ARB2A: variants seen among roughly 807,000 people sequenced by gnomAD.
ARB2A encodes the protein cotranscriptional regulator ARB2A.
At chr5:93,971,856 G>A in the ARB2A span, among the ~76,000 whole-genome samples, 1 of 152,090 alleles carries the variant, frequency 6.6e-6, no homozygotes, top group Non-Finnish European at 1.5e-5. Flanking sequence ...TCTCACACCT[G>A]GAAATCTAAT....
the ARB2A span, among the ~76,000 whole-genome samples, chr5:93,744,389 C>A: frequency 9.0e-5 from 12 of 133,210 alleles, no homozygotes; most frequent in Non-Finnish European, 1.7e-4. Flanking sequence ...GTGCCGAGAT[C>A]GCGCCACTGC....
the ARB2A span, among the ~76,000 whole-genome samples, chr5:93,871,040 TTGTAAA>T: frequency 2.6e-5 from 4 of 152,228 alleles, no homozygotes; most frequent in Non-Finnish European, 5.9e-5. Flanking sequence ...AGGTATTTTC[TTGTAAA>T]TGAACAAAGT....
At chr5:93,910,412 A>G in the ARB2A span, among the ~76,000 whole-genome samples, 2 of 151,224 alleles carry the variant, frequency 1.3e-5, no homozygotes, top group Non-Finnish European at 3.0e-5. Context: ...GTATGATTCT[A>G]AAAATGTTCA....
At chr5:93,649,126 T>C in the ARB2A span, among the ~76,000 whole-genome samples, 1 of 152,176 alleles carries the variant, frequency 6.6e-6, no homozygotes, top group Non-Finnish European at 1.5e-5. Flanking sequence ...TTCTGACACA[T>C]AAACATTCAT....
chr5:93,912,697 C>T, the ARB2A span, among the ~76,000 whole-genome samples: 6 of 151,756 alleles, frequency 4.0e-5, no homozygotes, highest in Admixed American at 1.3e-4. Context: ...GCCCAAATAC[C>T]ATACTTGCTA....
At chr5:93,629,704 G>GA in the ARB2A span, among the ~76,000 whole-genome samples, 1 of 152,038 alleles carries the variant, frequency 6.6e-6, no homozygotes, top group South Asian at 2.1e-4. Flanking sequence ...CATTTTTAAA[G>GA]AAAAAGGTAA....
the ARB2A span, among the ~76,000 whole-genome samples, chr5:94,017,553 A>T: frequency 5.9e-5 from 9 of 152,226 alleles, no homozygotes; most frequent in African/African-American, 1.9e-4. Flanking sequence ...CTAGTACTGT[A>T]AAACAAGAAA....
chr5:94,058,421 TGATAAA>T, the ARB2A span, among the ~76,000 whole-genome samples: 4 of 151,526 alleles, frequency 2.6e-5, no homozygotes, highest in Non-Finnish European at 5.9e-5. Flanking sequence ...AACCAAGAAA[TGATAAA>T]GATAAAGGAA....
chr5:93,791,628 T>C, the ARB2A span, among the ~76,000 whole-genome samples: 1 of 152,208 alleles, frequency 6.6e-6, no homozygotes, highest in Admixed American at 6.5e-5. Flanking sequence ...ACATTCTCTT[T>C]TCCTGTGCTT....
chr5:93,725,191 C>T, the ARB2A span, among the ~76,000 whole-genome samples: 1 of 152,000 alleles, frequency 6.6e-6, no homozygotes, highest in Non-Finnish European at 1.5e-5. Context: ...AAGGGGGGAA[C>T]TACTGTATTA....
chr5:94,053,080 G>GATAC, the ARB2A span: 1 of 899,324 alleles, frequency 1.1e-6, no homozygotes, highest in South Asian at 1.7e-5. Flanking sequence ...ACTATAGATA[G>GATAC]ATAGATAGAT....
the ARB2A span, among the ~76,000 whole-genome samples, chr5:93,773,153 T>C: frequency 2.6e-5 from 4 of 152,208 alleles, no homozygotes; most frequent in South Asian, 8.3e-4. Flanking sequence ...CCATGCCCAT[T>C]ACTTCAGACT....
the ARB2A span, among the ~76,000 whole-genome samples, chr5:93,813,133 A>G: frequency 6.6e-6 from 1 of 152,188 alleles, no homozygotes; most frequent in East Asian, 1.9e-4. Flanking sequence ...TGTTTAAGCC[A>G]CCTGTCTATG....
At chr5:93,625,765 A>G in the ARB2A span, among the ~76,000 whole-genome samples, 1 of 152,248 alleles carries the variant, frequency 6.6e-6, no homozygotes, top group Admixed American at 6.5e-5. Context: ...TATTTAAGAA[A>G]AAGTGCCTTG....
the ARB2A span, among the ~76,000 whole-genome samples, chr5:93,696,731 T>C: frequency 1.5e-3 from 233 of 152,232 alleles, 1 homozygote; most frequent in African/African-American, 5.2e-3. Flanking sequence ...CCTGCCACAT[T>C]CATGGCTCTC....
the ARB2A span, among the ~76,000 whole-genome samples, chr5:94,018,376 G>A: frequency 6.6e-6 from 1 of 152,156 alleles, no homozygotes; most frequent in African/African-American, 2.4e-5. Flanking sequence ...ACTTACATTT[G>A]CTGTGTTGCC....
At chr5:93,649,078 C>G in the ARB2A span, among the ~76,000 whole-genome samples, 1 of 152,076 alleles carries the variant, frequency 6.6e-6, no homozygotes, top group Admixed American at 6.5e-5. Context: ...TCCTACTGTT[C>G]AGAAATAACA....
the ARB2A span, chr5:93,881,606 G>A: frequency 6.2e-7 from 1 of 1,610,440 alleles, no homozygotes; most frequent in Admixed American, 1.7e-5. Context: ...TGAACTATCA[G>A]ATGATGACTG....
At chr5:94,072,779 A>G in the ARB2A span, among the ~76,000 whole-genome samples, 1 of 152,198 alleles carries the variant, frequency 6.6e-6, no homozygotes, top group Admixed American at 6.5e-5. Context: ...TTACAAGCAT[A>G]TCTTCATTGC....
Sources: gnomAD v4.1 joint callset for allele counts (sites outside exome capture counted in the v4.1 genomes callset) on GRCh38, gnomAD v4.1.1 for gene constraint, MANE v1.5 for transcripts, NCBI Gene and HGNC (gene_info 2026-07-23, HGNC 2026-07-21) for gene names.